Variants in CDH12 observed in about 807,000 individuals in gnomAD.
CDH12 encodes the protein cadherin 12, also known as cadherin-12.
A neutral mutation model predicts 74.1 loss-of-function variants in CDH12; 41 were observed. The observed-to-expected ratio is 0.55, with a 90% confidence interval of 0.43 to 0.72. The LOEUF (loss-of-function observed/expected upper bound fraction) is 0.72, where lower values mean the gene tolerates loss of function less well. CDH12 is among the 30% of genes least tolerant of loss of function. The pLI, the probability that CDH12 is intolerant of heterozygous loss-of-function variation, is 0.00. For synonymous variants in CDH12, 399 were observed against 355.0 expected, an observed-to-expected ratio of 1.12 and a Z score of -1.39; for missense variants, 945 against 977.2, an observed-to-expected ratio of 0.97 and a Z score of 0.44.
At chr5:21,979,315 T>C (rs1181330616) in intron 5 of CDH12, among the ~76,000 whole-genome samples, 6 of 152,176 alleles carry the variant, frequency 3.9e-5, no homozygotes, top group Non-Finnish European at 7.3e-5. Flanking sequence ...AAGAGTTCTA[T>C]AAATGATGGC....
intron 1 of CDH12, among the ~76,000 whole-genome samples, chr5:22,678,048 G>T (rs528460997): frequency 1.3e-5 from 2 of 151,552 alleles, no homozygotes; most frequent in Non-Finnish European, 2.9e-5. Context: ...TCCTCATGGG[G>T]GGGGGGGTTA....
At chr5:22,782,485 C>T (rs1043832919) in intron 1 of CDH12, among the ~76,000 whole-genome samples, 11 of 152,056 alleles carry the variant, frequency 7.2e-5, no homozygotes, top group East Asian at 1.9e-4. Context: ...TTTTGCTTTC[C>T]GTCATAATTG....
At chr5:22,456,135 A>ATATAT (rs1745261770) in intron 2 of CDH12, among the ~76,000 whole-genome samples, 1 of 142,298 alleles carries the variant, frequency 7.0e-6, no homozygotes, top group South Asian at 2.3e-4. Flanking sequence ...ATATATATAT[A>ATATAT]AAACGATCTC....
intron 3 of CDH12, among the ~76,000 whole-genome samples, chr5:22,343,694 A>G (rs1190830408): frequency 6.6e-6 from 1 of 152,216 alleles, no homozygotes; most frequent in Non-Finnish European, 1.5e-5. Flanking sequence ...CTGGGATTAC[A>G]GGCGTGAGAA....
intron 1 of CDH12, among the ~76,000 whole-genome samples, chr5:22,509,496 T>C (rs981643394): frequency 3.9e-5 from 6 of 152,142 alleles, no homozygotes; most frequent in East Asian, 1.9e-4. Context: ...CTCAAGCTAC[T>C]AGCAATAAAG....
At chr5:21,880,617 T>TTCCTTCCTTCCTTCTTTCTTTC (rs1579896092) in intron 6 of CDH12, among the ~76,000 whole-genome samples, 1 of 53,936 alleles carries the variant, frequency 1.9e-5, no homozygotes, top group African/African-American at 8.3e-5. Context: ...CCTTCCTTCC[T>TTCCTTCCTTCCTTCTTTCTTTC]TCTTTCTTTC....
At position 22,715,875 on chromosome 5, in the gene CDH12, G is replaced by A. The variant is rs116829158; in HGVS notation, c.-523+137183C>T. 4.1e-3 allele frequency among the ~76,000 whole-genome samples: 626 copies of A among 151,700 alleles called. 3 individuals carry two copies. Among genetic ancestry groups the A allele is most frequent in the African/African-American group, 0.015 (602 of 41,356 alleles). On this transcript the variant is annotated intron_variant, in intron 1 of 14. Transcript: ENST00000382254. ...CATATGGCTAAGCACGTTGGGTTAC[G>A]CCTGTAATCCTAGCACTTTGGGAGG...
intron 1 of CDH12, among the ~76,000 whole-genome samples, chr5:22,844,917 A>T (rs1194108774): frequency 6.6e-6 from 1 of 152,132 alleles, no homozygotes; most frequent in Non-Finnish European, 1.5e-5. Flanking sequence ...CAGTGCATAG[A>T]GTTGAGTCCA....
chr5:22,582,513 A>C (rs421994), intron 1 of CDH12, among the ~76,000 whole-genome samples: 84,817 of 151,918 alleles, frequency 0.56, 24,001 homozygotes, highest in East Asian at 0.68. Context: ...GGATCTATTA[A>C]TTCAACTTTA....
chr5:22,153,903 T>TATATATATAC (rs1478012877), intron 4 of CDH12, among the ~76,000 whole-genome samples: 1 of 111,144 alleles, frequency 9.0e-6, no homozygotes, highest in East Asian at 2.2e-4. Flanking sequence ...TATATATATA[T>TATATATATAC]ACACACACAT....
intron 1 of CDH12, among the ~76,000 whole-genome samples, chr5:22,672,544 AC>A (rs1740959810): frequency 6.6e-6 from 1 of 152,010 alleles, no homozygotes; most frequent in African/African-American, 2.4e-5. Flanking sequence ...GCTTGCTTCC[AC>A]CATCCACCCT....
chr5:22,821,716 T>A (rs199527108), intron 1 of CDH12, among the ~76,000 whole-genome samples: 58,195 of 148,774 alleles, frequency 0.39, 11,732 homozygotes, highest in Admixed American at 0.48. Context: ...AAACCACTGC[T>A]CAATGAAATA....
intron 3 of CDH12, among the ~76,000 whole-genome samples, chr5:22,343,636 T>G (rs1347450201): frequency 2.0e-5 from 3 of 152,052 alleles, no homozygotes; most frequent in Non-Finnish European, 4.4e-5. Flanking sequence ...GCCAGGATGG[T>G]CTCAATCTCC....
At chr5:22,372,576 C>G (rs1282305279) in intron 3 of CDH12, among the ~76,000 whole-genome samples, 1 of 152,128 alleles carries the variant, frequency 6.6e-6, no homozygotes, top group Non-Finnish European at 1.5e-5. Context: ...GGGAGTTGAG[C>G]CCCCGAAGGA....
chr5:22,793,536 A>G (rs1748029804), intron 1 of CDH12, among the ~76,000 whole-genome samples: 1 of 152,188 alleles, frequency 6.6e-6, no homozygotes, highest in Non-Finnish European at 1.5e-5. Context: ...GAATCCATAC[A>G]TTTTATCATA....
intron 3 of CDH12, among the ~76,000 whole-genome samples, chr5:22,252,127 C>T (rs1241578942): frequency 6.6e-6 from 1 of 151,788 alleles, no homozygotes; most frequent in Admixed American, 6.6e-5. Flanking sequence ...TTCTCAATTG[C>T]TGTATAATGT....
intron 1 of CDH12, among the ~76,000 whole-genome samples, chr5:22,557,690 A>T (rs906806267): frequency 6.6e-6 from 1 of 152,122 alleles, no homozygotes; most frequent in African/African-American, 2.4e-5. Flanking sequence ...TAATTGTGCA[A>T]TTACCTACAA....
intron 6 of CDH12, among the ~76,000 whole-genome samples, chr5:21,897,860 T>A (rs1241210530): frequency 6.6e-6 from 1 of 152,198 alleles, no homozygotes; most frequent in Non-Finnish European, 1.5e-5. Context: ...TTTCAGCAGA[T>A]TGAAATTTTA....
chr5:22,476,161 T>C (rs1444967125), intron 2 of CDH12, among the ~76,000 whole-genome samples: 2 of 152,084 alleles, frequency 1.3e-5, no homozygotes, highest in African/African-American at 4.8e-5. Flanking sequence ...CTACTTACCC[T>C]GTTTGGAAAT....
Sources: gnomAD v4.1 joint callset for allele counts (sites outside exome capture counted in the v4.1 genomes callset) on GRCh38, gnomAD v4.1.1 for gene constraint, MANE v1.5 for transcripts, NCBI Gene and HGNC (gene_info 2026-07-23, HGNC 2026-07-21) for gene names.